NUDC: variants seen among roughly 807,000 people sequenced by gnomAD.
NUDC encodes the protein nuclear distribution C, dynein complex regulator.
NUDC carries 14 observed loss-of-function variants against 45.0 expected under a neutral mutation model. That is an observed-to-expected ratio of 0.31 (90% confidence interval 0.21 to 0.49). NUDC has a LOEUF of 0.49. NUDC is among the 20% of genes least tolerant of loss of function. NUDC has a pLI of 0.99. For synonymous variants in NUDC, 153 were observed against 156.7 expected (o/e 0.98, Z 0.17); for missense variants, 323 against 426.2 (o/e 0.76, Z 2.13).
chr1:26,911,120 A>C (rs1195688309), intron 2 of NUDC: 2 of 471,046 alleles, frequency 4.2e-6, no homozygotes. Flanking sequence ...CTCTTTTGTC[A>C]TCTGCAGGAA....
chr1:26,943,652 C>T (rs1459500229), intron 6 of NUDC, among the ~76,000 whole-genome samples: 2 of 152,164 alleles, frequency 1.3e-5, no homozygotes, highest in Non-Finnish European at 2.9e-5. Context: ...CTGCTCTGTG[C>T]CTGGTACTGT....
At chr1:26,922,087 A>G in intron 1 of NUDC, 158 bp downstream of exon 1, 5 of 745,806 alleles carry the variant, frequency 6.7e-6, no homozygotes, top group Non-Finnish European at 1.1e-5. Context: ...GCCACCCGCC[A>G]GCAGGTCTCA....
chr1:26,925,123 C>G (rs1018374528), intron 2 of NUDC, among the ~76,000 whole-genome samples: 1 of 151,734 alleles, frequency 6.6e-6, no homozygotes, highest in African/African-American at 2.4e-5. Flanking sequence ...TCAAGTGATC[C>G]ACCCACCTCG....
chr1:26,917,844 C>T (rs1282297339), upstream of NUDC, among the ~76,000 whole-genome samples: 1 of 151,808 alleles, frequency 6.6e-6, no homozygotes, highest in Non-Finnish European at 1.5e-5. Context: ...CAAGATCCCA[C>T]CACTGCACTC....
At chr1:26,918,894 C>T (rs1570718958), upstream of NUDC, among the ~76,000 whole-genome samples, 1 of 151,980 alleles carries the variant, frequency 6.6e-6, no homozygotes, top group Admixed American at 6.6e-5. Context: ...TCTTCTACCT[C>T]AGCCTCCCGT....
At chr1:26,917,731 CA>C (rs552629422), upstream of NUDC, among the ~76,000 whole-genome samples, 138 of 151,970 alleles carry the variant, frequency 9.1e-4, 1 homozygote, top group African/African-American at 3.1e-3. Context: ...ACTAAAAATA[CA>C]AAAATTAGCC....
upstream of NUDC, among the ~76,000 whole-genome samples, chr1:26,918,564 G>A (rs528554940): frequency 3.4e-5 from 5 of 145,986 alleles, no homozygotes; most frequent in Admixed American, 1.4e-4. Flanking sequence ...ATGAGCCACC[G>A]CACCCAGCTT....
At chr1:26,923,851 C>G (rs1250782162) in intron 1 of NUDC, among the ~76,000 whole-genome samples, 1 of 152,136 alleles carries the variant, frequency 6.6e-6, no homozygotes, top group African/African-American at 2.4e-5. Flanking sequence ...TACGCTTAGG[C>G]TGCTTCTAGC....
intron 2 of NUDC, among the ~76,000 whole-genome samples, chr1:26,941,039 A>G (rs2082271993): frequency 6.8e-6 from 1 of 148,050 alleles, no homozygotes; most frequent in Non-Finnish European, 1.5e-5. Flanking sequence ...CTCCCACCTC[A>G]GCTTCTCGAG....
chr1:26,922,143 C>G (rs950104775), intron 1 of NUDC: 2 of 595,670 alleles, frequency 3.4e-6, no homozygotes, highest in African/African-American at 3.7e-5. Context: ...TCAGTAGTAG[C>G]AAATTATCGC....
intron 2 of NUDC, among the ~76,000 whole-genome samples, chr1:26,933,900 A>G (rs1452401242): frequency 6.6e-6 from 1 of 152,086 alleles, no homozygotes; most frequent in Non-Finnish European, 1.5e-5. Flanking sequence ...CACGCCTGTA[A>G]TCCCACCACT....
chr1:26,927,399 C>CT (rs1189665637), intron 2 of NUDC, among the ~76,000 whole-genome samples: 2,788 of 129,908 alleles, frequency 0.021, 142 homozygotes, highest in African/African-American at 0.067. Flanking sequence ...TTTTCTTTTT[C>CT]TTTTTTTTTT....
intron 2 of NUDC, among the ~76,000 whole-genome samples, chr1:26,927,259 T>G (rs2082140701): frequency 5.2e-5 from 1 of 19,070 alleles, no homozygotes; most frequent in African/African-American, 1.6e-4. Context: ...GGGAGAGAGA[T>G]GAACCGTGTG....
In NUDC at chr1:26,902,656, C is replaced by T. The variant is rs118133571; in HGVS notation, c.-16+290C>T. 4.9e-4 allele frequency among the ~76,000 whole-genome samples: 74 copies of T among 151,604 alleles called. No individual in the cohort carries two copies. The East Asian group carries it at 0.011, about 23-fold the overall frequency. On this transcript the variant is annotated intron_variant, in intron 2 of 6. Transcript: ENST00000435827. ...TCTTAGCACGTCGGGAGGTTGAGGT[C>T]GGAGGATCACTTGAGCCCAAGAGAG...
At chr1:26,928,641 G>A (rs189654053) in intron 2 of NUDC, among the ~76,000 whole-genome samples, 7 of 152,308 alleles carry the variant, frequency 4.6e-5, no homozygotes, top group Middle Eastern at 6.8e-3. Flanking sequence ...AGGCTTCAGT[G>A]AGCCGTGATT....
chr1:26,914,380 T>G (rs146800969), intron 3 of NUDC, among the ~76,000 whole-genome samples: 88 of 152,342 alleles, frequency 5.8e-4, no homozygotes, highest in African/African-American at 2.0e-3. Context: ...GCCCCAGAGC[T>G]GGGTGGGCCT....
chr1:26,905,157 A>ATTTTTTTTTTTTTTT (rs71007901), intron 2 of NUDC, among the ~76,000 whole-genome samples: 2 of 84,296 alleles, frequency 2.4e-5, no homozygotes, highest in Non-Finnish European at 4.6e-5. Context: ...TATTATTATT[A>ATTTTTTTTTTTTTTT]TTTTTTTTTT....
chr1:26,945,803 C>T (rs1212769925), intron 8 of NUDC, 117 bp downstream of exon 8: 1 of 850,036 alleles, frequency 1.2e-6, no homozygotes, highest in Admixed American at 1.7e-5. Context: ...CCTTTCCAGC[C>T]ATGTTTATGG....
rs1186506697 is a variant in NUDC at position 26,938,531 on chromosome 1, T to G, written c.160-2926T>G. The stretch of plus-strand genomic sequence containing the variant: ...AGCAGAATGGCCTCCCCTACCAGTT[T>G]AATTTGTGGTTTAGGGGGTACGTTT... On this transcript the variant is annotated intron_variant, in intron 2 of 8. Transcript: ENST00000321265. Among the ~76,000 whole-genome samples, 32 of 152,170 alleles carry G rather than the reference T, an allele frequency of 2.1e-4. 1 individual carries two copies. The highest frequency in any genetic ancestry group is 2.1e-3 in the Admixed American group (32 of 15,274).
Sources: allele counts gnomAD v4.1 joint callset (sites outside exome capture counted in the v4.1 genomes callset), GRCh38; gene constraint gnomAD v4.1.1; transcripts MANE v1.5; gene names NCBI Gene and HGNC (gene_info 2026-07-23, HGNC 2026-07-21).